LIPI: variants seen among roughly 807,000 people sequenced by gnomAD.
The protein encoded by LIPI is lipase member I.
In LIPI, 59 loss-of-function variants were observed where a neutral mutation model predicts 50.6. The observed-to-expected ratio is 1.16, with a 90% CI of 0.94 to 1.45. LIPI has a LOEUF of 1.45. Among genes scored for constraint, LIPI ranks in the 40% most tolerant of loss-of-function variants. The probability of loss-of-function intolerance (pLI) is 0.00; values close to 1 mark genes in which losing one functional copy is unlikely to be tolerated. For missense variants in LIPI, 586 were observed against 536.3 expected (o/e 1.09, Z -0.92); for synonymous variants, 203 against 178.2 (o/e 1.14, Z -1.11).
At chr21:14,119,363 A>C (rs1211639854) in intron 9 of LIPI, among the ~76,000 whole-genome samples, 2 of 152,218 alleles carry the variant, frequency 1.3e-5, no homozygotes, top group African/African-American at 2.4e-5. Flanking sequence ...AAAGTGTCCA[A>C]GGAAAAGGCA....
intron 9 of LIPI, among the ~76,000 whole-genome samples, chr21:14,137,369 G>T (rs1290601344): frequency 6.6e-6 from 1 of 152,058 alleles, no homozygotes; most frequent in Non-Finnish European, 1.5e-5. Flanking sequence ...AATTCTATCA[G>T]ATAAATTTAA....
At chr21:14,157,775 G>A (rs2018324661) in intron 7 of LIPI, among the ~76,000 whole-genome samples, 1 of 151,814 alleles carries the variant, frequency 6.6e-6, no homozygotes, top group African/African-American at 2.4e-5. Context: ...ATTATTCCCA[G>A]GCCTTTAAAT....
At chr21:14,179,696 C>T (rs2019205866) in intron 4 of LIPI, among the ~76,000 whole-genome samples, 2 of 152,166 alleles carry the variant, frequency 1.3e-5, no homozygotes, top group African/African-American at 2.4e-5. Flanking sequence ...TTTATAACTT[C>T]TTATGCCTGT....
At chr21:14,161,047 C>T (rs2018443870) in intron 7 of LIPI, among the ~76,000 whole-genome samples, 2 of 151,224 alleles carry the variant, frequency 1.3e-5, no homozygotes, top group African/African-American at 2.4e-5. Flanking sequence ...GGTACAGTCA[C>T]TCCAAAAAAA....
intron 9 of LIPI, among the ~76,000 whole-genome samples, chr21:14,134,567 C>A (rs949592047): frequency 6.6e-6 from 1 of 152,120 alleles, no homozygotes; most frequent in East Asian, 1.9e-4. Flanking sequence ...GTAGCCAAAA[C>A]AGCATGGTAC....
chr21:14,177,230 A>G (rs1035079400), intron 4 of LIPI, among the ~76,000 whole-genome samples: 2 of 152,106 alleles, frequency 1.3e-5, no homozygotes, highest in Admixed American at 6.5e-5. Flanking sequence ...ATTAGTTTAT[A>G]TAAAATCAAT....
intron 9 of LIPI, among the ~76,000 whole-genome samples, chr21:14,127,142 T>G (rs1568836882): frequency 6.6e-6 from 1 of 152,176 alleles, no homozygotes; most frequent in East Asian, 1.9e-4. Context: ...GTTGTCTCTA[T>G]CACAGTCTGT....
chr21:14,167,105 G>A (rs1309937608), intron 4 of LIPI, among the ~76,000 whole-genome samples: 1 of 152,180 alleles, frequency 6.6e-6, no homozygotes, highest in Non-Finnish European at 1.5e-5. Flanking sequence ...GAGTCTCACT[G>A]ATGGCTAGCA....
At chr21:14,113,306 T>G (rs1246963419) in intron 9 of LIPI, among the ~76,000 whole-genome samples, 1 of 152,152 alleles carries the variant, frequency 6.6e-6, no homozygotes, top group Non-Finnish European at 1.5e-5. Context: ...AGCAGATAAA[T>G]GCATTAAAAC....
chr21:14,199,263 G>A (rs1202224906), intron 1 of LIPI, among the ~76,000 whole-genome samples: 1 of 151,670 alleles, frequency 6.6e-6, no homozygotes, highest in Admixed American at 6.6e-5. Context: ...AACTGACGGA[G>A]ACTGAGAAAT....
At chr21:14,194,126 AAC>A (rs1023822871) in intron 1 of LIPI, among the ~76,000 whole-genome samples, 2 of 152,066 alleles carry the variant, frequency 1.3e-5, no homozygotes, top group Non-Finnish European at 2.9e-5. Flanking sequence ...ACTTGCTAAA[AAC>A]ACACACACAC....
At chr21:14,178,649 C>T (rs1275481595) in intron 4 of LIPI, among the ~76,000 whole-genome samples, 1 of 151,946 alleles carries the variant, frequency 6.6e-6, no homozygotes, top group Admixed American at 6.6e-5. Context: ...ACTTTTGCAC[C>T]AACTTAATAA....
At position 14,156,968 on chromosome 21, in the gene LIPI, C is replaced by G. The variant is rs530282629; in HGVS notation, c.1007-4284G>C. 7.2e-5 allele frequency among the ~76,000 whole-genome samples: 11 copies of G among 151,868 alleles called. No homozygotes were observed. In the South Asian group the frequency reaches 2.3e-3, roughly 32 times the overall value. ...GAAATTAGAAATATATTATTGGAAA[C>G]TGGTAGAAGAAGAATCCTCACTACA... is the stretch of plus-strand genomic sequence containing the variant. On this transcript the variant is annotated intron_variant, in intron 7 of 9. Coordinates refer to ENST00000681601, the MANE Select transcript of LIPI (RefSeq NM_001302998.2).
intron 9 of LIPI, among the ~76,000 whole-genome samples, chr21:14,117,642 G>C (rs895699428): frequency 6.6e-6 from 1 of 152,150 alleles, no homozygotes; most frequent in Admixed American, 6.5e-5. Flanking sequence ...AGTTCTAAGA[G>C]AGGCCTTGTG....
chr21:14,138,720 A>C (rs1179607878), intron 9 of LIPI, among the ~76,000 whole-genome samples: 1 of 152,058 alleles, frequency 6.6e-6, no homozygotes, highest in Admixed American at 6.6e-5. Flanking sequence ...CAATGTATAA[A>C]TTACCCTATT....
At chr21:14,110,939 ACT>A (rs1491431329) in intron 9 of LIPI, among the ~76,000 whole-genome samples, 2 of 148,138 alleles carry the variant, frequency 1.4e-5, no homozygotes, top group Non-Finnish European at 3.0e-5. Flanking sequence ...TATACCATAT[ACT>A]ATATATATAT....
chr21:14,172,147 CA>C (rs1173958368), intron 4 of LIPI, among the ~76,000 whole-genome samples: 1 of 151,826 alleles, frequency 6.6e-6, no homozygotes, highest in Non-Finnish European at 1.5e-5. Context: ...CAGAGAAATG[CA>C]AATCAAAACC....
chr21:14,141,313 T>A (rs1240939467), intron 9 of LIPI, among the ~76,000 whole-genome samples: 1 of 152,060 alleles, frequency 6.6e-6, no homozygotes, highest in African/African-American at 2.4e-5. Flanking sequence ...AAGTTATTGA[T>A]AAATATATTT....
chr21:14,208,847 T>C (rs979332854), intron 1 of LIPI, among the ~76,000 whole-genome samples: 5 of 151,998 alleles, frequency 3.3e-5, no homozygotes, highest in African/African-American at 1.2e-4. Flanking sequence ...AGCCCAAGAG[T>C]TGGAGACCAG....
Sources: allele counts gnomAD v4.1 joint callset (sites outside exome capture counted in the v4.1 genomes callset), GRCh38; gene constraint gnomAD v4.1.1; transcripts MANE v1.5; gene names NCBI Gene and HGNC (gene_info 2026-07-23, HGNC 2026-07-21).